Variants in AQR observed in about 807,000 individuals in gnomAD.
AQR encodes the protein RNA helicase aquarius.
AQR carries 61 observed loss-of-function variants against 180.5 expected under a neutral mutation model. The observed-to-expected ratio is 0.34, with a 90% CI of 0.28 to 0.42. The LOEUF (loss-of-function observed/expected upper bound fraction) is 0.42, where lower values mean the gene tolerates loss of function less well. Among genes scored for constraint, AQR ranks in the 10% least tolerant of loss-of-function variants. The pLI, the probability that AQR is intolerant of heterozygous loss-of-function variation, is 1.00. For missense variants in AQR, 1,281 were observed against 1,798.3 expected, an observed-to-expected ratio of 0.71 and a Z score of 5.20; for synonymous variants, 551 against 588.8, an observed-to-expected ratio of 0.94 and a Z score of 0.93.
chr15:34,927,994 A>G (rs1893790841), intron 12 of AQR, among the ~76,000 whole-genome samples: 1 of 152,226 alleles, frequency 6.6e-6, no homozygotes, highest in Admixed American at 6.5e-5. Context: ...GTTCCTTGGA[A>G]GCAATAATGA....
intron 32 of AQR, among the ~76,000 whole-genome samples, chr15:34,866,524 A>C (rs1269700060): frequency 6.6e-6 from 1 of 152,150 alleles, no homozygotes; most frequent in African/African-American, 2.4e-5. Context: ...GCACAGAACT[A>C]AAGTCACTGG....
In AQR at chr15:34,910,223, G is replaced by C. The variant is rs78756463; in HGVS notation, c.1575C>G (p.Pro525=). ...GGGTTGGCCAGTTTTCACCTATGTT[G>C]GGTTTGGCCACTTCAACGACAGTGA... ...VAFTVVEVAK[P]NIGENWPTRV... The change falls in exon 17 of 35, where the codon CCC becomes CCG. Residue 525 remains proline (P), a synonymous_variant. Coordinates refer to ENST00000156471, the MANE Select transcript of AQR (RefSeq NM_014691.3). 4.1e-3 allele frequency: 6,575 copies of C among 1,614,170 alleles called. 21 individuals are homozygous for C. Among genetic ancestry groups the C allele is most frequent in the Non-Finnish European group, 5.0e-3 (5,942 of 1,180,040 alleles).
chr15:34,857,105 G>T lies in AQR; in HGVS notation c.4145C>A (p.Thr1382Asn). The T allele has an allele frequency of 2.0e-6, 3 of 1,524,260 alleles. No individual in the cohort carries two copies. Among genetic ancestry groups the T allele is most frequent in the Non-Finnish European group, 2.6e-6 (3 of 1,139,854 alleles). 94.4% of individuals were successfully genotyped at this position (1,524,260 alleles called of 1,614,324 possible). A position where few individuals can be genotyped will look rare whatever the true frequency, so the allele number is the denominator to read the frequency against. ...CATAGCAGGTGGTAGTTGTAATAAA[G>T]TCTAATTAAAAAAAAAAAAACAAAG... is the stretch of plus-strand genomic sequence containing the variant. ...LIQTTHHYHQTLLQLPPAMVE... is the reference protein window; with the variant it reads ...LIQTTHHYHQNLLQLPPAMVE... Residue 1382 changes from threonine to asparagine, a missense_variant and splice_region_variant, in exon 35 of 35, where the codon ACT becomes AAT. Coordinates refer to ENST00000156471, the MANE Select transcript of AQR (RefSeq NM_014691.3).
At chr15:34,948,434 T>C (rs777573877) in intron 4 of AQR, 50 bp from the exon 5 acceptor site, 1 of 1,579,212 alleles carries the variant, frequency 6.3e-7, no homozygotes, top group Non-Finnish European at 8.6e-7. Flanking sequence ...CACCACTCAC[T>C]GTAATACATA....
In AQR at chr15:34,963,712, G is replaced by A. The variant is rs565276582; in HGVS notation, c.132+522C>T. Among the ~76,000 whole-genome samples, 235 of 147,940 alleles carry A rather than the reference G, an allele frequency of 1.6e-3. 3 individuals carry two copies. Among genetic ancestry groups the A allele is most frequent in the South Asian group, 0.015 (73 of 4,760 alleles). On this transcript the variant is annotated intron_variant, in intron 2 of 34. Coordinates refer to ENST00000156471, the MANE Select transcript of AQR (RefSeq NM_014691.3). Reference sequence around the variant, plus strand: ...GGAGTCTCGCTCTGTCATCCAGGCTGGAGTGCAGTGGTGCGATCTCGACTC... The same window carrying A: ...GGAGTCTCGCTCTGTCATCCAGGCTAGAGTGCAGTGGTGCGATCTCGACTC...
intron 24 of AQR, 93 bp from the exon 25 acceptor site, chr15:34,886,754 G>A: frequency 7.8e-7 from 1 of 1,288,404 alleles, no homozygotes; most frequent in Non-Finnish European, 1.1e-6. Context: ...TAATAGCAAA[G>A]AAGAGGAAAA....
At chr15:34,957,389 T>G (rs1378059870) in intron 3 of AQR, among the ~76,000 whole-genome samples, 1 of 152,070 alleles carries the variant, frequency 6.6e-6, no homozygotes, top group African/African-American at 2.4e-5. Flanking sequence ...CTATAGTTTA[T>G]GTGTTACAGA....
At chr15:34,904,648 A>G in intron 18 of AQR, 143 bp from the exon 19 acceptor site, 1 of 677,690 alleles carries the variant, frequency 1.5e-6, no homozygotes, top group Non-Finnish European at 2.4e-6. Flanking sequence ...AATGCCCTCC[A>G]CTCACCCACT....
intron 1 of AQR, among the ~76,000 whole-genome samples, chr15:34,965,162 T>A (rs185258304): frequency 2.0e-5 from 3 of 152,228 alleles, no homozygotes; most frequent in African/African-American, 7.2e-5. Context: ...TGTATATAAC[T>A]CTTTATAATC....
At chr15:34,966,243 C>A (rs1262894163) in intron 1 of AQR, among the ~76,000 whole-genome samples, 1 of 152,182 alleles carries the variant, frequency 6.6e-6, no homozygotes, top group Non-Finnish European at 1.5e-5. Flanking sequence ...TAAATTTTAA[C>A]CTCTTGATCT....
At position 34,874,573 on chromosome 15, in the gene AQR, A is replaced by G. The variant is rs1892865774; in HGVS notation, c.3425+104T>C. 2.2e-6 allele frequency: 3 copies of G among 1,391,096 alleles called. No homozygotes were observed. The South Asian group carries it at 3.9e-5, about 18-fold the overall frequency. The allele number at this position is 1,391,096 out of a possible 1,614,324, so 86.2% of individuals were successfully genotyped here. On this transcript the variant is annotated intron_variant, in intron 29 of 34. Transcript: ENST00000156471. ...GATTTATGGATAGCCAAGTTCCTGG[A>G]TAGCCAAGAATGCTAATAGTCTACA...
chr15:34,874,042 G>C (rs1173798195), intron 29 of AQR, 43 bp from the exon 30 acceptor site: 1 of 1,522,562 alleles, frequency 6.6e-7, no homozygotes. Flanking sequence ...AATATTAGCA[G>C]TGTAAAATCT....
chr15:34,896,983 A>C lies in AQR; in HGVS notation c.2391-17T>G. 1 of 1,596,648 alleles carries C rather than the reference A, an allele frequency of 6.3e-7. No individual in the cohort carries two copies. On this transcript the variant is annotated splice_polypyrimidine_tract_variant and intron_variant, in intron 21 of 34. Transcript: ENST00000156471. ...ATCGTATTACTGCAAATAAGAGTAA[A>C]TAAAAAGTTGGTACAGATAAATGAT...
In AQR at chr15:34,959,385, A is replaced by AC. The variant is rs1334341633; in HGVS notation, c.173+1388_173+1389insG. ...TGCCATGTTGCTCAGGCTGGTCCTG[A>AC]ACTACTTACTGGGCTTGAACAATCC... On this transcript the variant is annotated intron_variant, in intron 3 of 34. Transcript: ENST00000156471. Among the ~76,000 whole-genome samples the AC allele has an allele frequency of 3.9e-5, 6 of 152,168 alleles. No individual in the cohort carries two copies. The South Asian group carries it at 1.2e-3, about 32-fold the overall frequency.
chr15:34,945,922 G>A (rs1051504952), intron 5 of AQR, among the ~76,000 whole-genome samples: 18 of 152,254 alleles, frequency 1.2e-4, no homozygotes, highest in Middle Eastern at 3.4e-3. Context: ...AGCACAAAAA[G>A]GAAACATCAG....
chr15:34,906,849 T>C, intron 17 of AQR, 137 bp from the exon 18 acceptor site: 1 of 750,756 alleles, frequency 1.3e-6, no homozygotes, highest in Non-Finnish European at 2.1e-6. Context: ...TATTATCGCA[T>C]TGTAACACAA....
At chr15:34,858,556 A>G in intron 34 of AQR, among the ~76,000 whole-genome samples, 1 of 152,184 alleles carries the variant, frequency 6.6e-6, no homozygotes, top group East Asian at 1.9e-4. Context: ...TAAAAACTGC[A>G]GCATGCTTTT....
intron 32 of AQR, among the ~76,000 whole-genome samples, chr15:34,865,797 G>A (rs1284891817): frequency 2.0e-5 from 3 of 152,166 alleles, no homozygotes; most frequent in African/African-American, 7.2e-5. Context: ...AGAGAAGCCA[G>A]TAACAAAAGA....
intron 17 of AQR, 41 bp downstream of exon 17, chr15:34,910,094 C>T (rs199722405): frequency 2.5e-6 from 4 of 1,604,156 alleles, no homozygotes; most frequent in African/African-American, 2.7e-5. Context: ...AAGTTCATAA[C>T]AAGGCAAAAG....
Sources: gnomAD v4.1 joint callset for allele counts (sites outside exome capture counted in the v4.1 genomes callset) on GRCh38, gnomAD v4.1.1 for gene constraint, MANE v1.5 for transcripts, NCBI Gene and HGNC (gene_info 2026-07-23, HGNC 2026-07-21) for gene names.